RBM20: variants seen among roughly 807,000 people sequenced by gnomAD.
The protein encoded by RBM20 is RNA binding motif protein 20, also known as RNA-binding protein 20.
A neutral mutation model predicts 110.1 loss-of-function variants in RBM20; 51 were observed. The observed-to-expected ratio is 0.46, with a 90% confidence interval of 0.37 to 0.59. RBM20 has a LOEUF of 0.59. RBM20 is among the 20% of genes least tolerant of loss of function. The probability of loss-of-function intolerance (pLI) is 0.00; values close to 1 mark genes in which losing one functional copy is unlikely to be tolerated. For synonymous variants in RBM20, 589 were observed against 618.2 expected, an observed-to-expected ratio of 0.95 and a Z score of 0.70; for missense variants, 1,512 against 1,574.9, an observed-to-expected ratio of 0.96 and a Z score of 0.68.
In RBM20 at chr10:110,823,498, A is replaced by G; in HGVS notation, c.3335A>G (p.Glu1112Gly). The G allele has an allele frequency of 6.5e-7, 1 of 1,535,120 alleles. No individual in the cohort carries two copies. Among genetic ancestry groups the G allele is most frequent in the Non-Finnish European group, 8.8e-7 (1 of 1,142,662 alleles). Residue 1112 changes from glutamate to glycine, a missense_variant, in exon 12 of 14, where the codon GAA becomes GGA. This residue lies in a region of RBM20 where 358 missense variants were observed against 384.2 expected (regional missense o/e 0.93). Coordinates refer to ENST00000369519, the MANE Select transcript of RBM20 (RefSeq NM_001134363.3). ...TTTGCAGAAAACTCCAGGTACGTGGAAATGAAATCTCTGGAGGTGAGGTCA... is the reference window on the plus strand; with the variant it reads ...TTTGCAGAAAACTCCAGGTACGTGGGAATGAAATCTCTGGAGGTGAGGTCA... ...VLTPENSRYV[E>G]MKSLEVRSPE...
chr10:110,660,134 A>C (rs1464295073), intron 1 of RBM20, among the ~76,000 whole-genome samples: 4 of 152,142 alleles, frequency 2.6e-5, no homozygotes, highest in Non-Finnish European at 5.9e-5. Flanking sequence ...AATTTCTAAA[A>C]TAACACAAAT....
intron 1 of RBM20, among the ~76,000 whole-genome samples, chr10:110,715,374 C>A (rs923839181): frequency 6.6e-5 from 10 of 152,222 alleles, no homozygotes; most frequent in African/African-American, 2.4e-4. Flanking sequence ...CATCTTGTGT[C>A]ATCACACTGT....
chr10:110,741,394 T>A (rs1291126420), intron 1 of RBM20, among the ~76,000 whole-genome samples: 1 of 152,202 alleles, frequency 6.6e-6, no homozygotes, highest in African/African-American at 2.4e-5. Flanking sequence ...TGCAGCTGTT[T>A]CCACATTATA....
At chr10:110,790,915 G>A (rs561481917) in intron 5 of RBM20, among the ~76,000 whole-genome samples, 3 of 152,070 alleles carry the variant, frequency 2.0e-5, no homozygotes, top group Admixed American at 6.5e-5. Flanking sequence ...CATATACAGC[G>A]TGGACCAGAT....
At chr10:110,689,486 G>A (rs777496556) in intron 1 of RBM20, among the ~76,000 whole-genome samples, 1 of 152,210 alleles carries the variant, frequency 6.6e-6, no homozygotes, top group African/African-American at 2.4e-5. Flanking sequence ...TCTATTGGCC[G>A]GAGCTCAGGG....
chr10:110,762,236 A>G (rs1042787756), intron 1 of RBM20, among the ~76,000 whole-genome samples: 1 of 152,234 alleles, frequency 6.6e-6, no homozygotes, highest in African/African-American at 2.4e-5. Flanking sequence ...ACTTGTGAAA[A>G]TCAAGAGAAT....
chr10:110,754,897 C>A (rs1843902804), intron 1 of RBM20, among the ~76,000 whole-genome samples: 2 of 152,178 alleles, frequency 1.3e-5, no homozygotes, highest in African/African-American at 4.8e-5. Flanking sequence ...TTCTGATACG[C>A]CTGACAATTT....
intron 1 of RBM20, among the ~76,000 whole-genome samples, chr10:110,763,527 A>T (rs1449937529): frequency 6.6e-6 from 1 of 152,188 alleles, no homozygotes; most frequent in Non-Finnish European, 1.5e-5. Context: ...CCTGACAATG[A>T]AGTACCTGTG....
At position 110,681,658 on chromosome 10, in the gene RBM20, T is replaced by C. The variant is rs184013362; in HGVS notation, c.191+37013T>C. On this transcript the variant is annotated intron_variant, in intron 1 of 13. Transcript: ENST00000369519. ...ACAATTACTGTTTAACTTTTTATTTTAAAATGATTTTAGACCTACAGAAAA... is the reference window on the plus strand; with the variant it reads ...ACAATTACTGTTTAACTTTTTATTTCAAAATGATTTTAGACCTACAGAAAA... 2.6e-5 allele frequency among the ~76,000 whole-genome samples: 4 copies of C among 152,324 alleles called. No homozygotes were observed. In the East Asian group the frequency reaches 7.7e-4, roughly 29 times the overall value.
At chr10:110,714,860 A>C (rs550878424) in intron 1 of RBM20, among the ~76,000 whole-genome samples, 4 of 152,300 alleles carry the variant, frequency 2.6e-5, no homozygotes, top group African/African-American at 4.8e-5. Context: ...CCTGGTCTTC[A>C]AGTCACTTGT....
At position 110,750,020 on chromosome 10, in the gene RBM20, T is replaced by C. The variant is rs867706726; in HGVS notation, c.192-30781T>C. Among the ~76,000 whole-genome samples the C allele has an allele frequency of 9.8e-5, 15 of 152,368 alleles. No individual in the cohort carries two copies. The Middle Eastern group carries it at 0.014, about 138-fold the overall frequency. ...GACTAGGTTAAAGTATTATGATTTA[T>C]AGGTGTATAATATAAGATTATGGCC... On this transcript the variant is annotated intron_variant, in intron 1 of 13. Coordinates refer to ENST00000369519, the MANE Select transcript of RBM20 (RefSeq NM_001134363.3).
At chr10:110,767,252 C>G (rs1397692085) in intron 1 of RBM20, among the ~76,000 whole-genome samples, 2 of 135,468 alleles carry the variant, frequency 1.5e-5, no homozygotes, top group Admixed American at 7.0e-5. Flanking sequence ...GGTGGCTGGC[C>G]GGGCAGAGGG....
intron 1 of RBM20, among the ~76,000 whole-genome samples, chr10:110,693,573 T>C (rs1389215586): frequency 6.6e-6 from 1 of 152,222 alleles, no homozygotes; most frequent in Non-Finnish European, 1.5e-5. Flanking sequence ...CTACTGTCTG[T>C]TTTATTGAAT....
intron 1 of RBM20, among the ~76,000 whole-genome samples, chr10:110,702,003 CG>C (rs1862765493): frequency 6.6e-6 from 1 of 152,128 alleles, no homozygotes. Context: ...GACGTGATTG[CG>C]TGGTCTTGTT....
chr10:110,792,549 G>C (rs577682595), intron 5 of RBM20, among the ~76,000 whole-genome samples: 21 of 152,218 alleles, frequency 1.4e-4, no homozygotes, highest in Admixed American at 3.9e-4. Flanking sequence ...TTCAGTAACT[G>C]GCCCACAGTT....
At position 110,821,688 on chromosome 10, in the gene RBM20, T is replaced by G; in HGVS notation, c.3069T>G (p.Asp1023Glu). 6.4e-7 allele frequency: 1 copy of G among 1,551,742 alleles called. No homozygotes were observed. Among genetic ancestry groups the G allele is most frequent in the Non-Finnish European group, 8.7e-7 (1 of 1,146,990 alleles). The change falls in exon 11 of 14, where the codon GAT becomes GAG. Residue 1023 changes from aspartate to glutamate, a missense_variant. Asp to Glu is a conservative substitution (Grantham distance 45, BLOSUM62 2). This residue lies in a region of RBM20 where 358 missense variants were observed against 384.2 expected (regional missense o/e 0.93). Coordinates refer to ENST00000369519, the MANE Select transcript of RBM20 (RefSeq NM_001134363.3). Reference sequence around the variant, plus strand: ...CAGGCCTCTCCCTGGAGGATTCAGATTGCTACGAGAAGGAGGCAAAGGGAG... The same window carrying G: ...CAGGCCTCTCCCTGGAGGATTCAGAGTGCTACGAGAAGGAGGCAAAGGGAG... The part of the protein sequence containing the change: ...SETGLSLEDS[D>E]CYEKEAKGVE...
At chr10:110,684,341 C>A (rs906806281) in intron 1 of RBM20, among the ~76,000 whole-genome samples, 6 of 151,962 alleles carry the variant, frequency 3.9e-5, no homozygotes, top group African/African-American at 1.5e-4. Context: ...TTGCAGTGAG[C>A]CAAGATTGTG....
intron 1 of RBM20, among the ~76,000 whole-genome samples, chr10:110,777,020 G>T (rs1370394250): frequency 6.6e-6 from 1 of 152,154 alleles, no homozygotes; most frequent in Admixed American, 6.5e-5. Flanking sequence ...CATAAAAGAG[G>T]TGTCCATATT....
intron 1 of RBM20, among the ~76,000 whole-genome samples, chr10:110,755,662 TA>T (rs1843911680): frequency 6.6e-6 from 1 of 152,222 alleles, no homozygotes; most frequent in African/African-American, 2.4e-5. Context: ...TTTAAGATAT[TA>T]GTAGCCACAT....
Sources: gnomAD v4.1 joint callset for allele counts (sites outside exome capture counted in the v4.1 genomes callset) on GRCh38, gnomAD v4.1.1 for gene constraint, gnomAD v4.1.1 regional missense constraint, MANE v1.5 for transcripts, NCBI Gene and HGNC (gene_info 2026-07-23, HGNC 2026-07-21) for gene names.